Variants in VPS50 observed in about 807,000 individuals in gnomAD.
The protein encoded by VPS50 is syndetin.
Under a neutral mutation model 139.7 loss-of-function variants are expected in VPS50, and 70 were observed. The observed-to-expected ratio is 0.50, with a 90% CI of 0.41 to 0.61. VPS50 has a LOEUF of 0.61. Among genes scored for constraint, VPS50 ranks in the 20% least tolerant of loss-of-function variants. The pLI is 0.00. For missense variants in VPS50, 921 were observed against 1,133.7 expected (o/e 0.81, Z 2.69); for synonymous variants, 365 against 376.7 (o/e 0.97, Z 0.36).
intron 23 of VPS50, 60 bp from the exon 24 acceptor site, chr7:93,348,651 C>T (rs1388122423): frequency 3.7e-6 from 4 of 1,077,890 alleles, no homozygotes; most frequent in African/African-American, 1.6e-5. Flanking sequence ...TATACGAAAG[C>T]ATGACAGGCT....
chr7:93,289,038 A>G (rs1796573967), intron 12 of VPS50, among the ~76,000 whole-genome samples: 2 of 152,060 alleles, frequency 1.3e-5, no homozygotes, highest in African/African-American at 4.8e-5. Context: ...GTGGGGCTGA[A>G]GTCATCCTAG....
At chr7:93,356,311 T>G in intron 27 of VPS50, 1 of 257,556 alleles carries the variant, frequency 3.9e-6, no homozygotes, top group Non-Finnish European at 7.3e-6. Context: ...ACTGTTACTG[T>G]AATGATCTAG....
At chr7:93,315,704 C>T (rs1348928008) in intron 20 of VPS50, among the ~76,000 whole-genome samples, 1 of 152,146 alleles carries the variant, frequency 6.6e-6, no homozygotes, top group East Asian at 1.9e-4. Context: ...TTTCTATTTA[C>T]TTGCGAACTA....
intron 24 of VPS50, among the ~76,000 whole-genome samples, chr7:93,349,064 G>C (rs1798484223): frequency 6.6e-6 from 1 of 152,198 alleles, no homozygotes; most frequent in Non-Finnish European, 1.5e-5. Flanking sequence ...ACTGTGGTAA[G>C]GGGAAAGTGC....
At chr7:93,268,799 G>A (rs918790674) in intron 9 of VPS50, among the ~76,000 whole-genome samples, 3 of 152,002 alleles carry the variant, frequency 2.0e-5, no homozygotes, top group Admixed American at 6.6e-5. Context: ...CTTTGTTATC[G>A]TGAATAGTGC....
chr7:93,298,059 A>C (rs920223207), intron 16 of VPS50, among the ~76,000 whole-genome samples: 4 of 152,186 alleles, frequency 2.6e-5, no homozygotes, highest in Admixed American at 6.5e-5. Flanking sequence ...GCTCACAGTG[A>C]TATATGCCAT....
intron 21 of VPS50, among the ~76,000 whole-genome samples, chr7:93,326,585 T>C (rs1797787540): frequency 6.6e-6 from 1 of 151,992 alleles, no homozygotes; most frequent in South Asian, 2.1e-4. Flanking sequence ...GAATTAATGT[T>C]TTTCTGCACC....
chr7:93,281,316 C>G (rs751725434), intron 12 of VPS50, among the ~76,000 whole-genome samples: 1 of 152,076 alleles, frequency 6.6e-6, no homozygotes, highest in Non-Finnish European at 1.5e-5. Context: ...TTAGTAAAGT[C>G]CCTGTAGAAA....
chr7:93,311,393 G>T, intron 20 of VPS50, 121 bp downstream of exon 20: 1 of 590,350 alleles, frequency 1.7e-6, no homozygotes. Context: ...AGGGATTTAA[G>T]GTTATCATAT....
intron 19 of VPS50, among the ~76,000 whole-genome samples, chr7:93,310,057 C>A (rs528701666): frequency 1.3e-5 from 2 of 152,090 alleles, no homozygotes; most frequent in South Asian, 4.1e-4. Flanking sequence ...GCATGATCTA[C>A]TGTGAACTGA....
intron 2 of VPS50, among the ~76,000 whole-genome samples, chr7:93,247,835 G>C (rs1481515166): frequency 6.6e-6 from 1 of 151,892 alleles, no homozygotes; most frequent in East Asian, 1.9e-4. Context: ...TGATAGTATG[G>C]GAGAGAGATT....
chr7:93,312,827 T>C (rs1472135366), intron 20 of VPS50, among the ~76,000 whole-genome samples: 2 of 152,164 alleles, frequency 1.3e-5, no homozygotes, highest in Non-Finnish European at 2.9e-5. Context: ...TCAGTTCCTT[T>C]ATCTTGTCCT....
At chr7:93,275,412 C>T (rs1318230736) in intron 11 of VPS50, among the ~76,000 whole-genome samples, 3 of 152,214 alleles carry the variant, frequency 2.0e-5, no homozygotes, top group South Asian at 2.1e-4. Flanking sequence ...ATAGCCACTT[C>T]GGCCTTTAGC....
intron 26 of VPS50, among the ~76,000 whole-genome samples, chr7:93,354,117 A>G (rs1157848719): frequency 2.0e-5 from 3 of 152,122 alleles, no homozygotes; most frequent in Non-Finnish European, 4.4e-5. Flanking sequence ...CAAACATTTC[A>G]CAGGATTATG....
intron 2 of VPS50, among the ~76,000 whole-genome samples, chr7:93,243,320 C>T (rs1004346636): frequency 1.3e-5 from 2 of 151,892 alleles, no homozygotes; most frequent in African/African-American, 4.8e-5. Flanking sequence ...AATCAACAGT[C>T]CCCAGGCCAT....
chr7:93,347,900 G>A (rs201633779), intron 23 of VPS50, among the ~76,000 whole-genome samples: 4 of 150,788 alleles, frequency 2.7e-5, no homozygotes, highest in South Asian at 2.1e-4. Flanking sequence ...TGGGTGCAGC[G>A]CACCAGCATG....
intron 1 of VPS50, among the ~76,000 whole-genome samples, chr7:93,238,046 C>T (rs573110438): frequency 4.9e-4 from 75 of 152,286 alleles, no homozygotes; most frequent in African/African-American, 1.8e-3. Flanking sequence ...ATGGCAATTA[C>T]ATTTTAAAAA....
intron 13 of VPS50, among the ~76,000 whole-genome samples, chr7:93,292,955 G>A (rs932751876): frequency 2.0e-5 from 3 of 152,094 alleles, no homozygotes; most frequent in African/African-American, 7.2e-5. Context: ...GGGACCATGA[G>A]CTCTGCGATC....
At chr7:93,326,719 G>GT (rs1314928198) in intron 21 of VPS50, among the ~76,000 whole-genome samples, 1 of 151,902 alleles carries the variant, frequency 6.6e-6, no homozygotes. Flanking sequence ...TTGCATAGAT[G>GT]TTTGACAGTT....
Sources: gnomAD v4.1 joint callset for allele counts (sites outside exome capture counted in the v4.1 genomes callset) on GRCh38, gnomAD v4.1.1 for gene constraint, MANE v1.5 for transcripts, NCBI Gene and HGNC (gene_info 2026-07-23, HGNC 2026-07-21) for gene names.